Variants in ESRRB observed in about 807,000 individuals in gnomAD.
The protein encoded by ESRRB is estrogen related receptor beta, also known as steroid hormone receptor ERR2.
Under a neutral mutation model 46.0 loss-of-function variants are expected in ESRRB, and 16 were observed. The observed-to-expected ratio is 0.35, with a 90% confidence interval of 0.24 to 0.53. The LOEUF (loss-of-function observed/expected upper bound fraction) is 0.53. Among genes scored for constraint, ESRRB ranks in the 20% least tolerant of loss-of-function variants. ESRRB has a pLI of 0.93. For missense variants in ESRRB, 488 were observed against 607.4 expected (o/e 0.80, Z 2.07); for synonymous variants, 246 against 259.6 (o/e 0.95, Z 0.50).
intron 2 of ESRRB, among the ~76,000 whole-genome samples, chr14:76,446,368 CGT>C (rs1491405569): frequency 2.0e-3 from 260 of 127,696 alleles, no homozygotes; most frequent in African/African-American, 8.4e-3. Flanking sequence ...TTCTGTTGTT[CGT>C]TTTTTTTTTT....
chr14:76,380,688 G>T (rs1225633108), intron 1 of ESRRB, among the ~76,000 whole-genome samples: 1 of 152,202 alleles, frequency 6.6e-6, no homozygotes, highest in African/African-American at 2.4e-5. Context: ...ATGCCGCACA[G>T]CTCCCCTGGG....
At chr14:76,324,000 G>C (rs1407578850) in intron 1 of ESRRB, among the ~76,000 whole-genome samples, 1 of 152,310 alleles carries the variant, frequency 6.6e-6, no homozygotes, top group South Asian at 2.1e-4. Flanking sequence ...CACCCTGGCT[G>C]TTTGGGGAAG....
intron 1 of ESRRB, among the ~76,000 whole-genome samples, chr14:76,423,758 T>TCCTGTCTA (rs1454133636): frequency 1.3e-5 from 2 of 152,134 alleles, no homozygotes; most frequent in Non-Finnish European, 2.9e-5. Flanking sequence ...TTCTAGACAC[T>TCCTGTCTA]GGAGTAGGAC....
In ESRRB at chr14:76,498,655, AG is replaced by A. The variant is rs1413520853; in HGVS notation, c.*201del. On this transcript the variant is annotated 3_prime_UTR_variant, in exon 7 of 7. Transcript: ENST00000644823. Reference sequence around the variant, plus strand: ...GGGTGGGGGACGGGGATGGGGGGGCAGGGGTGTGGGGCTCGACTGTAACTGG... The same window carrying A: ...GGGTGGGGGACGGGGATGGGGGGGCAGGGTGTGGGGCTCGACTGTAACTGG... 3 of 385,070 alleles carry A rather than the reference AG, an allele frequency of 7.8e-6. No homozygotes were observed. The Admixed American group carries it at 8.2e-5, about 11-fold the overall frequency. 23.9% of individuals were successfully genotyped at this position (385,070 alleles called of 1,614,324 possible). A position where few individuals can be genotyped will look rare whatever the true frequency, so the allele number is the denominator to read the frequency against.
intron 1 of ESRRB, among the ~76,000 whole-genome samples, chr14:76,352,217 A>T (rs533829998): frequency 4.6e-5 from 7 of 152,308 alleles, no homozygotes; most frequent in African/African-American, 1.7e-4. Flanking sequence ...TGAGAATCAG[A>T]ACAAGTACAC....
At chr14:76,386,220 T>C (rs765635581) in intron 1 of ESRRB, among the ~76,000 whole-genome samples, 9 of 152,202 alleles carry the variant, frequency 5.9e-5, no homozygotes, top group Admixed American at 2.0e-4. Context: ...CGAATCCCTA[T>C]ATTTTCAGTA....
At chr14:76,426,627 G>T (rs1487777423) in intron 1 of ESRRB, among the ~76,000 whole-genome samples, 1 of 152,166 alleles carries the variant, frequency 6.6e-6, no homozygotes, top group African/African-American at 2.4e-5. Context: ...ACAGCTCGGA[G>T]TCAATGAACT....
Position 76,498,319 on chromosome 14 carries a change from G to A in ESRRB, c.1226G>A (p.Arg409Lys). 6.2e-7 allele frequency: 1 copy of A among 1,613,234 alleles called. No homozygotes were observed. Among genetic ancestry groups the A allele is most frequent in the African/African-American group, 1.3e-5 (1 of 75,054 alleles). Residue 409 changes from arginine to lysine, a missense_variant, in exon 7 of 7, where the codon AGG becomes AAG. Coordinates refer to ENST00000644823, the MANE Select transcript of ESRRB (RefSeq NM_001379180.1). Reference protein sequence around the residue: ...ELSQRHEEPWRTGKLLLTLPL... With the variant: ...ELSQRHEEPWKTGKLLLTLPL... Reference sequence around the variant, plus strand: ...AGCCAGCGCCATGAGGAGCCCTGGAGGACGGGCAAGCTGCTGCTGACACTG... The same window carrying A: ...AGCCAGCGCCATGAGGAGCCCTGGAAGACGGGCAAGCTGCTGCTGACACTG...
chr14:76,315,583 C>T (rs944304489), intron 1 of ESRRB, among the ~76,000 whole-genome samples: 1 of 152,182 alleles, frequency 6.6e-6, no homozygotes, highest in Non-Finnish European at 1.5e-5. Context: ...GAAGATGAAA[C>T]GCACGTGAAG....
At chr14:76,495,623 A>AATAC (rs747576177) in intron 6 of ESRRB, 3 of 151,902 alleles carry the variant, frequency 2.0e-5, no homozygotes, top group African/African-American at 7.2e-5. Flanking sequence ...TAAATAAATA[A>AATAC]ATAAAATAAA....
At chr14:76,318,695 C>T (rs1204804512) in intron 1 of ESRRB, among the ~76,000 whole-genome samples, 1 of 152,178 alleles carries the variant, frequency 6.6e-6, no homozygotes, top group African/African-American at 2.4e-5. Context: ...TGAATAGTAC[C>T]TGCTGGATAA....
intron 2 of ESRRB, among the ~76,000 whole-genome samples, chr14:76,448,515 T>TA (rs397811544): frequency 6.6e-6 from 1 of 150,384 alleles, no homozygotes; most frequent in Non-Finnish European, 1.5e-5. Flanking sequence ...TTTTTTTTTT[T>TA]AGTAGAGACG....
At chr14:76,399,203 A>G (rs1885830998) in intron 1 of ESRRB, among the ~76,000 whole-genome samples, 1 of 152,088 alleles carries the variant, frequency 6.6e-6, no homozygotes, top group African/African-American at 2.4e-5. Context: ...TGTTTTAACC[A>G]GCGCGTATAT....
rs1011283482 is a variant in ESRRB, at chr14:76,376,817, G to T, written c.50+366G>T. 6.6e-6 allele frequency among the ~76,000 whole-genome samples: 1 copy of T among 152,224 alleles called. No homozygotes were observed. The highest frequency in any genetic ancestry group is 1.5e-5 in the Non-Finnish European group (1 of 68,034). On this transcript the variant is annotated intron_variant, in intron 1 of 6. Transcript: ENST00000644823. The surrounding 1 kb of genome is among the most constrained non-coding windows in gnomAD (Gnocchi z 4.1). ...AAGCCCAGAACAGGTGCAGGGATGT[G>T]GTTGCAAGGATGTCCTGTCCCGTCA...
chr14:76,330,264 G>A (rs1883997017), intron 1 of ESRRB, among the ~76,000 whole-genome samples: 1 of 152,140 alleles, frequency 6.6e-6, no homozygotes, highest in Admixed American at 6.5e-5. Flanking sequence ...TGTGGGATGG[G>A]GTCCCGGGAG....
intron 1 of ESRRB, among the ~76,000 whole-genome samples, chr14:76,333,135 T>G (rs1426225874): frequency 4.1e-4 from 3 of 7,316 alleles, no homozygotes; most frequent in Non-Finnish European, 7.3e-4. Context: ...ATATTATATA[T>G]TATATATTAT....
intron 1 of ESRRB, among the ~76,000 whole-genome samples, chr14:76,381,279 T>C (rs1885004070): frequency 1.3e-5 from 2 of 152,106 alleles, no homozygotes; most frequent in Non-Finnish European, 2.9e-5. Flanking sequence ...TCAACTTCTC[T>C]GCACTTCACG....
intron 2 of ESRRB, among the ~76,000 whole-genome samples, chr14:76,446,039 G>A (rs900641039): frequency 2.0e-5 from 3 of 152,214 alleles, no homozygotes; most frequent in Admixed American, 6.5e-5. Flanking sequence ...ACAATGGCGG[G>A]GGAGGGAAGA....
intron 1 of ESRRB, among the ~76,000 whole-genome samples, chr14:76,311,214 G>C (rs1054458294): frequency 6.6e-6 from 1 of 152,122 alleles, no homozygotes; most frequent in Non-Finnish European, 1.5e-5. Flanking sequence ...ATTTTTGTTT[G>C]TTTTCACTGA....
Sources: allele counts gnomAD v4.1 joint callset (sites outside exome capture counted in the v4.1 genomes callset), GRCh38; gene constraint gnomAD v4.1.1; non-coding constraint Gnocchi (gnomAD v3.1); transcripts MANE v1.5; gene names NCBI Gene and HGNC (gene_info 2026-07-23, HGNC 2026-07-21).